FYB1: variants seen among roughly 807,000 people sequenced by gnomAD.
The protein encoded by FYB1 is FYN-binding protein 1.
FYB1 carries 41 observed loss-of-function variants against 94.1 expected under a neutral mutation model. The observed-to-expected ratio is 0.44, with a 90% CI of 0.34 to 0.57. FYB1 has a LOEUF of 0.57. Ranked by LOEUF, FYB1 falls within the 20% of genes least tolerant of loss-of-function variation. The probability of loss-of-function intolerance (pLI) is 0.02; values close to 1 mark genes in which losing one functional copy is unlikely to be tolerated. For missense variants in FYB1, 1,050 were observed against 976.8 expected, an observed-to-expected ratio of 1.07 and a Z score of -1.00; for synonymous variants, 367 against 353.2, an observed-to-expected ratio of 1.04 and a Z score of -0.44.
At chr5:39,245,499 C>T (rs902850179) in intron 1 of FYB1, among the ~76,000 whole-genome samples, 2 of 152,040 alleles carry the variant, frequency 1.3e-5, no homozygotes, top group Non-Finnish European at 2.9e-5. Context: ...CTGACAGTCC[C>T]TGAGATTGAG....
chr5:39,268,011 A>C (rs1752504784), intron 1 of FYB1, among the ~76,000 whole-genome samples: 1 of 152,248 alleles, frequency 6.6e-6, no homozygotes, highest in African/African-American at 2.4e-5. Context: ...AAAATGATTT[A>C]TCATTAAAAA....
At chr5:39,262,047 T>G (rs1752242516) in intron 1 of FYB1, among the ~76,000 whole-genome samples, 1 of 152,176 alleles carries the variant, frequency 6.6e-6, no homozygotes, top group Admixed American at 6.5e-5. Flanking sequence ...ACAAGAACAC[T>G]TCAAGGAAAA....
At chr5:39,260,624 G>A (rs907181704) in intron 1 of FYB1, among the ~76,000 whole-genome samples, 42 of 152,158 alleles carry the variant, frequency 2.8e-4, no homozygotes, top group Admixed American at 1.8e-3. Context: ...CAAAGGAAGT[G>A]AGAAGCCAAT....
intron 2 of FYB1, chr5:39,170,413 G>A (rs182785843): frequency 1.8e-4 from 90 of 507,848 alleles, no homozygotes; most frequent in African/African-American, 1.3e-3. Flanking sequence ...GTCCTGGGCC[G>A]GACCCCCTCA....
chr5:39,130,169 G>C (rs747301785), intron 10 of FYB1, among the ~76,000 whole-genome samples: 4 of 151,990 alleles, frequency 2.6e-5, no homozygotes, highest in Non-Finnish European at 4.4e-5. Context: ...GACAAATACT[G>C]CATGTACTCA....
chr5:39,116,166 T>C (rs1739549891), intron 16 of FYB1, among the ~76,000 whole-genome samples: 1 of 152,228 alleles, frequency 6.6e-6, no homozygotes, highest in South Asian at 2.1e-4. Context: ...CTGCCTTCGC[T>C]TCTCTATCTC....
chr5:39,205,864 A>G (rs937022209), intron 1 of FYB1, among the ~76,000 whole-genome samples: 6 of 152,236 alleles, frequency 3.9e-5, no homozygotes, highest in Non-Finnish European at 8.8e-5. Context: ...GAATAATAAC[A>G]GTACCTATAG....
At chr5:39,127,082 AAG>A (rs1407916000) in intron 11 of FYB1, among the ~76,000 whole-genome samples, 2 of 144,316 alleles carry the variant, frequency 1.4e-5, no homozygotes, top group Non-Finnish European at 1.5e-5. Flanking sequence ...AAAAAAAAAA[AAG>A]AAATCTTAAA....
intron 2 of FYB1, chr5:39,170,045 C>T (rs905727022): frequency 3.7e-6 from 3 of 809,516 alleles, no homozygotes; most frequent in African/African-American, 1.7e-5. Context: ...GGATGAGAGG[C>T]CTCCACTGGT....
intron 1 of FYB1, among the ~76,000 whole-genome samples, chr5:39,267,537 G>GA (rs1170006811): frequency 6.6e-6 from 1 of 152,126 alleles, no homozygotes; most frequent in African/African-American, 2.4e-5. Flanking sequence ...CTTTCAAGGA[G>GA]AAAAAATGGA....
intron 1 of FYB1, among the ~76,000 whole-genome samples, chr5:39,229,188 G>A (rs13188610): frequency 0.029 from 4,476 of 152,096 alleles, 86 homozygotes; most frequent in Middle Eastern, 0.045. Context: ...TAGAAGACAG[G>A]GGCTGATACT....
At chr5:39,229,611 G>C (rs1561292635) in intron 1 of FYB1, among the ~76,000 whole-genome samples, 2 of 152,246 alleles carry the variant, frequency 1.3e-5, no homozygotes, top group East Asian at 3.9e-4. Flanking sequence ...ATGATTAATA[G>C]CTACCTTTAT....
At chr5:39,271,333 G>T (rs1752657835) in intron 1 of FYB1, among the ~76,000 whole-genome samples, 2 of 152,174 alleles carry the variant, frequency 1.3e-5, no homozygotes, top group South Asian at 4.1e-4. Context: ...TTGATCCCAA[G>T]TAGTCAGACT....
intron 3 of FYB1, among the ~76,000 whole-genome samples, chr5:39,149,017 C>A (rs1743018248): frequency 6.6e-6 from 1 of 152,134 alleles, no homozygotes; most frequent in Non-Finnish European, 1.5e-5. Flanking sequence ...AAATGATAAA[C>A]ATGCTCTTTT....
intron 9 of FYB1, among the ~76,000 whole-genome samples, chr5:39,131,057 T>A (rs1321189328): frequency 6.6e-6 from 1 of 152,196 alleles, no homozygotes; most frequent in Non-Finnish European, 1.5e-5. Context: ...CCTAGTCTAA[T>A]AGCAGTCATT....
intron 1 of FYB1, among the ~76,000 whole-genome samples, chr5:39,263,559 C>T (rs12655171): frequency 0.091 from 13,817 of 152,138 alleles, 666 homozygotes; most frequent in Non-Finnish European, 0.11. Flanking sequence ...AATCACCTCT[C>T]TAATTGAAGG....
At chr5:39,109,054 G>A (rs1738811335) in intron 17 of FYB1, among the ~76,000 whole-genome samples, 1 of 152,096 alleles carries the variant, frequency 6.6e-6, no homozygotes, top group Non-Finnish European at 1.5e-5. Context: ...ACATTGCCTT[G>A]AAATGTAAGA....
rs558706163 is a variant in FYB1, at chr5:39,118,761, G to T, written c.2401+113C>A. On this transcript the variant is annotated intron_variant, in intron 16 of 18. Coordinates refer to ENST00000512982, the MANE Select transcript of FYB1 (RefSeq NM_001465.6). ...TTTGCCACAATTTACAAAGGATAGG[G>T]CAAAAAGATAGATAAGAGTTAGTAA... is the stretch of plus-strand genomic sequence containing the variant. 8.2e-6 allele frequency: 5 copies of T among 613,110 alleles called. No homozygotes were observed. In the South Asian group the frequency reaches 2.5e-4, roughly 31 times the overall value. 38.0% of individuals were successfully genotyped at this position (613,110 alleles called of 1,614,324 possible). A position where few individuals can be genotyped will look rare whatever the true frequency, so the allele number is the denominator to read the frequency against.
intron 3 of FYB1, among the ~76,000 whole-genome samples, chr5:39,150,409 G>T (rs1274910699): frequency 2.0e-5 from 3 of 152,092 alleles, no homozygotes; most frequent in Admixed American, 1.3e-4. Context: ...CCACTTTTTG[G>T]TTTTTGTTTC....
Sources: allele counts gnomAD v4.1 joint callset (sites outside exome capture counted in the v4.1 genomes callset), GRCh38; gene constraint gnomAD v4.1.1; transcripts MANE v1.5; gene names NCBI Gene and HGNC (gene_info 2026-07-23, HGNC 2026-07-21).